SYNE1: variants seen among roughly 807,000 people sequenced by gnomAD.
SYNE1 encodes nesprin-1.
Under a neutral mutation model 1,111.0 loss-of-function variants are expected in SYNE1, and 616 were observed. The observed-to-expected ratio is 0.55, with a 90% CI of 0.52 to 0.59. The LOEUF is 0.59. Ranked by LOEUF, SYNE1 falls within the 20% of genes least tolerant of loss-of-function variation. The pLI, the probability that SYNE1 is intolerant of heterozygous loss-of-function variation, is 0.00. For missense variants in SYNE1, 10,006 were observed against 10,417.0 expected, an observed-to-expected ratio of 0.96 and a Z score of 1.72; for synonymous variants, 3,855 against 3,825.8, an observed-to-expected ratio of 1.01 and a Z score of -0.28.
chr6:152,240,742 C>T (rs978967748), intron 107 of SYNE1, among the ~76,000 whole-genome samples: 14 of 152,178 alleles, frequency 9.2e-5, no homozygotes, highest in Admixed American at 5.9e-4. Flanking sequence ...TCCAGTTTTA[C>T]AGATGAGAAC....
intron 11 of SYNE1, among the ~76,000 whole-genome samples, chr6:152,493,462 T>C (rs1208843125): frequency 6.6e-6 from 1 of 152,200 alleles, no homozygotes; most frequent in Non-Finnish European, 1.5e-5. Flanking sequence ...ACCTGGGCTG[T>C]ACTGCTGCAA....
At chr6:152,605,855 G>T (rs992012832) in intron 3 of SYNE1, among the ~76,000 whole-genome samples, 1 of 152,020 alleles carries the variant, frequency 6.6e-6, no homozygotes, top group Non-Finnish European at 1.5e-5. Flanking sequence ...ATGTGTATGT[G>T]TTCATTAGAG....
Position 152,268,100 on chromosome 6 carries a change from C to T in SYNE1, c.18771G>A (p.Glu6257=). ...CTGCCGCCGAATGTTGAATTAGAAT[C>T]TCCTCTCCACGACTGGCTACTGAGC... is the stretch of plus-strand genomic sequence containing the variant. ...LLRSVASRGE[E]ILIQHSAAET... The change falls in exon 100 of 146, where the codon GAG becomes GAA. Residue 6257 remains glutamate, a synonymous_variant. Transcript: ENST00000367255. 2 of 1,614,076 alleles carry T rather than the reference C, an allele frequency of 1.2e-6. No individual in the cohort carries two copies. Among genetic ancestry groups the T allele is most frequent in the African/African-American group, 1.3e-5 (1 of 75,032 alleles).
chr6:152,573,486 C>T (rs2099481203), intron 3 of SYNE1, among the ~76,000 whole-genome samples: 1 of 152,022 alleles, frequency 6.6e-6, no homozygotes, highest in Admixed American at 6.6e-5. Context: ...CCAAGGCTGA[C>T]ATTTTTAACT....
intron 58 of SYNE1, among the ~76,000 whole-genome samples, chr6:152,374,714 CAGTGAACCAAG>C (rs2097250791): frequency 1.3e-5 from 2 of 151,992 alleles, no homozygotes; most frequent in South Asian, 4.2e-4. Context: ...GCAGAGGTTG[CAGTGAACCAAG>C]ATAGGGCCAC....
chr6:152,424,230 AG>A (rs1205388997), intron 39 of SYNE1, among the ~76,000 whole-genome samples: 1 of 152,258 alleles, frequency 6.6e-6, no homozygotes, highest in African/African-American at 2.4e-5. Context: ...AATCAAAACT[AG>A]TATTTATTAA....
At chr6:152,535,336 AT>A (rs1277452718) in intron 4 of SYNE1, among the ~76,000 whole-genome samples, 3 of 152,010 alleles carry the variant, frequency 2.0e-5, no homozygotes, top group Admixed American at 6.6e-5. Flanking sequence ...TGTTTTATAA[AT>A]TTTTTTTCTG....
intron 127 of SYNE1, among the ~76,000 whole-genome samples, chr6:152,192,236 T>C (rs906711725): frequency 1.3e-5 from 2 of 152,184 alleles, no homozygotes; most frequent in Non-Finnish European, 2.9e-5. Context: ...GTTGGATGAA[T>C]GTTCTGTAAA....
chr6:152,504,953 G>C (rs1239799920), intron 9 of SYNE1, among the ~76,000 whole-genome samples: 1 of 152,112 alleles, frequency 6.6e-6, no homozygotes, highest in Non-Finnish European at 1.5e-5. Context: ...AGTATATTAA[G>C]TCCAGTTCAC....
chr6:152,606,214 G>C (rs2099614412), intron 3 of SYNE1, among the ~76,000 whole-genome samples: 1 of 152,012 alleles, frequency 6.6e-6, no homozygotes, highest in Non-Finnish European at 1.5e-5. Context: ...CTAAAACCTG[G>C]CATGAGGATT....
At chr6:152,499,388 C>T (rs949827939) in intron 10 of SYNE1, among the ~76,000 whole-genome samples, 26 of 151,774 alleles carry the variant, frequency 1.7e-4, no homozygotes, top group African/African-American at 6.3e-4. Flanking sequence ...ATGGTGATGT[C>T]GATTTTCAGT....
At chr6:152,428,619 C>T (rs545718167) in intron 36 of SYNE1, among the ~76,000 whole-genome samples, 2 of 152,172 alleles carry the variant, frequency 1.3e-5, no homozygotes, top group South Asian at 4.2e-4. Flanking sequence ...TTCAAAATAG[C>T]TAGAAAATAG....
chr6:152,321,227 C>T lies in SYNE1; in HGVS notation c.16236+11G>A, dbSNP rs771327621. 3.7e-6 allele frequency: 6 copies of T among 1,613,366 alleles called. No homozygotes were observed. Among genetic ancestry groups the T allele is most frequent in the Non-Finnish European group, 4.2e-6 (5 of 1,179,712 alleles). ...AAATGGAAAGACACTCTTTCTTGAT[C>T]ATAGGTTTACCTGATCTCGGATCTT... On this transcript the variant is annotated intron_variant, in intron 84 of 145. Transcript: ENST00000367255.
chr6:152,209,629 A>G (rs930352452), intron 124 of SYNE1, among the ~76,000 whole-genome samples: 3 of 152,066 alleles, frequency 2.0e-5, no homozygotes, highest in Non-Finnish European at 4.4e-5. Flanking sequence ...GCGTGCCTGT[A>G]TTCCCAGCTA....
chr6:152,558,976 TTTTA>T (rs76946853), intron 3 of SYNE1, among the ~76,000 whole-genome samples: 3,790 of 139,970 alleles, frequency 0.027, 124 homozygotes, highest in East Asian at 0.15. Flanking sequence ...CATATTTAAT[TTTTA>T]TTTATTTATT....
chr6:152,491,909 C>T (rs1343799233), intron 11 of SYNE1, among the ~76,000 whole-genome samples: 1 of 152,104 alleles, frequency 6.6e-6, no homozygotes, highest in East Asian at 1.9e-4. Context: ...ACTCCCCAGC[C>T]CTATAATCCT....
chr6:152,305,541 A>G (rs888355440), intron 91 of SYNE1, among the ~76,000 whole-genome samples: 4 of 152,142 alleles, frequency 2.6e-5, no homozygotes, highest in Non-Finnish European at 4.4e-5. Flanking sequence ...TGGGATTACA[A>G]GTGTGAGCCA....
intron 84 of SYNE1, 91 bp downstream of exon 84, chr6:152,321,147 A>G: frequency 6.9e-7 from 1 of 1,445,052 alleles, no homozygotes; most frequent in Non-Finnish European, 9.5e-7. Context: ...GTCTCCAAGA[A>G]GACATTATTG....
intron 137 of SYNE1, 194 bp from the exon 138 acceptor site, chr6:152,143,959 C>T (rs964301909): frequency 4.6e-5 from 34 of 733,172 alleles, no homozygotes; most frequent in Non-Finnish European, 3.2e-5. Context: ...AATGAAGGTG[C>T]TTGACTGAGA....
Sources: allele counts gnomAD v4.1 joint callset (sites outside exome capture counted in the v4.1 genomes callset), GRCh38; gene constraint gnomAD v4.1.1; transcripts MANE v1.5; gene names NCBI Gene and HGNC (gene_info 2026-07-23, HGNC 2026-07-21).